The following USP34 variants were observed in gnomAD, a reference collection of about 807,000 sequenced individuals.
USP34 encodes the protein ubiquitin specific peptidase 34, also known as ubiquitin carboxyl-terminal hydrolase 34.
In USP34, 70 loss-of-function variants were observed where a neutral mutation model predicts 460.3. The ratio of observed to expected loss-of-function variants is 0.15; its 90% confidence interval spans 0.13 to 0.19. The LOEUF is 0.19. Ranked by LOEUF, USP34 falls within the 10% of genes least tolerant of loss-of-function variation. The pLI, the probability that USP34 is intolerant of heterozygous loss-of-function variation, is 1.00. For missense variants in USP34, 3,985 were observed against 4,236.2 expected, an observed-to-expected ratio of 0.94 and a Z score of 1.65; for synonymous variants, 1,647 against 1,405.3, an observed-to-expected ratio of 1.17 and a Z score of -3.85.
intron 75 of USP34, chr2:61,193,389 A>AAAT (rs397984741): frequency 6.7e-6 from 1 of 148,880 alleles, no homozygotes; most frequent in African/African-American, 2.5e-5. Flanking sequence ...AAAAAAAAAA[A>AAAT]GTGGAGAATT....
chr2:61,430,572 A>G (rs890629817), intron 1 of USP34, among the ~76,000 whole-genome samples: 21 of 152,344 alleles, frequency 1.4e-4, no homozygotes, highest in African/African-American at 4.8e-4. Context: ...TACATTTGTC[A>G]AAATGAATAA....
At chr2:61,340,040 C>T (rs1389445479) in intron 16 of USP34, among the ~76,000 whole-genome samples, 3 of 152,056 alleles carry the variant, frequency 2.0e-5, no homozygotes, top group Non-Finnish European at 2.9e-5. Context: ...GAAATCGTTT[C>T]CTTTCTACAG....
intron 43 of USP34, among the ~76,000 whole-genome samples, chr2:61,263,693 A>G (rs1307551225): frequency 2.6e-5 from 4 of 151,334 alleles, no homozygotes; most frequent in Non-Finnish European, 5.9e-5. Context: ...CATGTTGGCC[A>G]GCATGGTCTT....
At chr2:61,428,763 G>A (rs1409185023) in intron 1 of USP34, among the ~76,000 whole-genome samples, 1 of 152,050 alleles carries the variant, frequency 6.6e-6, no homozygotes, top group South Asian at 2.1e-4. Flanking sequence ...AACAGACTTA[G>A]GAAAAAAATT....
chr2:61,461,565 G>C (rs1344657743), intron 1 of USP34, among the ~76,000 whole-genome samples: 2 of 152,048 alleles, frequency 1.3e-5, no homozygotes, highest in African/African-American at 4.8e-5. Flanking sequence ...ATGTTGCCCA[G>C]GCTAGCCTTG....
chr2:61,399,437 C>T (rs1214742573), intron 3 of USP34, among the ~76,000 whole-genome samples: 2 of 151,822 alleles, frequency 1.3e-5, no homozygotes, highest in Admixed American at 1.3e-4. Flanking sequence ...ACTGTTTTGC[C>T]ACTCTATTTC....
At chr2:61,392,243 G>T (rs796808504) in intron 5 of USP34, among the ~76,000 whole-genome samples, 1 of 152,096 alleles carries the variant, frequency 6.6e-6, no homozygotes, top group South Asian at 2.1e-4. Flanking sequence ...GACATGGGAG[G>T]GAGGTTTGCT....
intron 1 of USP34, among the ~76,000 whole-genome samples, chr2:61,449,429 G>A (rs182435085): frequency 2.6e-5 from 4 of 151,570 alleles, no homozygotes; most frequent in Non-Finnish European, 5.9e-5. Flanking sequence ...AATTCCAGCT[G>A]GCATCTTTGT....
chr2:61,293,912 G>A (rs1030859538), intron 32 of USP34, among the ~76,000 whole-genome samples: 16 of 152,252 alleles, frequency 1.1e-4, no homozygotes, highest in African/African-American at 3.9e-4. Context: ...CTACTAGGGA[G>A]GCTGAGGCAG....
intron 10 of USP34, among the ~76,000 whole-genome samples, chr2:61,360,900 G>T (rs1035715535): frequency 6.6e-5 from 10 of 152,272 alleles, no homozygotes; most frequent in East Asian, 3.9e-4. Context: ...CAAGCTATCA[G>T]AAGTTAGCTC....
intron 3 of USP34, among the ~76,000 whole-genome samples, chr2:61,396,873 G>A (rs886185195): frequency 1.3e-5 from 2 of 152,110 alleles, no homozygotes; most frequent in African/African-American, 4.8e-5. Flanking sequence ...AAGTGATGAT[G>A]GCTGCACAAC....
intron 15 of USP34, among the ~76,000 whole-genome samples, chr2:61,347,284 T>G (rs543511055): frequency 6.6e-6 from 1 of 152,328 alleles, no homozygotes; most frequent in South Asian, 2.1e-4. Flanking sequence ...AGGAAATACC[T>G]TAGTAATTTT....
At chr2:61,329,897 A>T (rs1691209118) in intron 20 of USP34, among the ~76,000 whole-genome samples, 1 of 152,214 alleles carries the variant, frequency 6.6e-6, no homozygotes, top group South Asian at 2.1e-4. Flanking sequence ...CATGATTCTC[A>T]AGCCCATGGG....
intron 33 of USP34, among the ~76,000 whole-genome samples, chr2:61,289,611 G>C (rs935550377): frequency 1.3e-5 from 2 of 151,900 alleles, no homozygotes; most frequent in Admixed American, 6.6e-5. Context: ...AAACATACCA[G>C]AAAGAAATGG....
At chr2:61,417,102 C>T (rs1464334280) in intron 2 of USP34, 9 of 1,495,098 alleles carry the variant, frequency 6.0e-6, no homozygotes, top group Non-Finnish European at 8.3e-6. Context: ...CCTTGTTCTG[C>T]AGCTTGGTAT....
Position 61,190,425 on chromosome 2 carries a change from A to G in USP34, c.9730-11T>C. 1 of 1,599,054 alleles carries G rather than the reference A, an allele frequency of 6.3e-7. No individual in the cohort carries two copies. Among genetic ancestry groups the G allele is most frequent in the Non-Finnish European group, 8.5e-7 (1 of 1,175,128 alleles). ...CACTTGACTTTGAACCTGAAAAAGA[A>G]GATTTAAAAAAATCTCCAAAAGACC... On this transcript the variant is annotated splice_polypyrimidine_tract_variant and intron_variant, in intron 77 of 79. Coordinates refer to ENST00000398571, the MANE Select transcript of USP34 (RefSeq NM_014709.4).
intron 32 of USP34, among the ~76,000 whole-genome samples, chr2:61,293,845 T>A (rs1475640363): frequency 6.6e-6 from 1 of 151,820 alleles, no homozygotes; most frequent in Non-Finnish European, 1.5e-5. Flanking sequence ...GAAGACCTCA[T>A]CTCTACAAAA....
chr2:61,338,229 G>T (rs1691485875), intron 18 of USP34, among the ~76,000 whole-genome samples: 1 of 152,174 alleles, frequency 6.6e-6, no homozygotes, highest in Non-Finnish European at 1.5e-5. Flanking sequence ...GCTGAGGTGG[G>T]AGAATCGCTT....
At chr2:61,222,755 G>T in intron 64 of USP34, 92 bp from the exon 65 acceptor site, 1 of 1,207,602 alleles carries the variant, frequency 8.3e-7, no homozygotes, top group Non-Finnish European at 1.2e-6. Flanking sequence ...GGGATGCAGT[G>T]GCGAGATCAC....
Sources: gnomAD v4.1 joint callset for allele counts (sites outside exome capture counted in the v4.1 genomes callset) on GRCh38, gnomAD v4.1.1 for gene constraint, MANE v1.5 for transcripts, NCBI Gene and HGNC (gene_info 2026-07-23, HGNC 2026-07-21) for gene names.